The following PKP4 variants were observed in gnomAD, a reference collection of about 807,000 sequenced individuals.
PKP4 encodes plakophilin-4.
PKP4 carries 90 observed loss-of-function variants against 145.1 expected under a neutral mutation model. That is an observed-to-expected ratio of 0.62 (90% CI 0.52 to 0.74). PKP4 has a LOEUF of 0.74. Among genes scored for constraint, PKP4 ranks in the 30% least tolerant of loss-of-function variants. The pLI, the probability that PKP4 is intolerant of heterozygous loss-of-function variation, is 0.00. For synonymous variants in PKP4, 563 were observed against 577.2 expected, an observed-to-expected ratio of 0.98 and a Z score of 0.35; for missense variants, 1,340 against 1,482.7, an observed-to-expected ratio of 0.90 and a Z score of 1.58.
chr2:158,548,901 T>C (rs2045333272), intron 2 of PKP4: 1 of 187,756 alleles, frequency 5.3e-6, no homozygotes, highest in Non-Finnish European at 1.1e-5. Context: ...TGATCGCACA[T>C]GACATGGATC....
intron 1 of PKP4, among the ~76,000 whole-genome samples, chr2:158,526,146 C>A (rs2042912392): frequency 6.9e-6 from 1 of 145,166 alleles, no homozygotes; most frequent in Non-Finnish European, 1.5e-5. Flanking sequence ...AGGCCAGCAT[C>A]ATTCTGATAC....
chr2:158,621,146 C>T, intron 5 of PKP4, 25 bp downstream of exon 5: 1 of 1,613,776 alleles, frequency 6.2e-7, no homozygotes, highest in Non-Finnish European at 8.5e-7. Context: ...CTTTTAAGTA[C>T]TGGATTTGCT....
rs142513824 is a variant in PKP4 at position 158,670,557 on chromosome 2, G to A, written c.2924+642G>A. Among the ~76,000 whole-genome samples, 431 of 152,246 alleles carry A rather than the reference G, an allele frequency of 2.8e-3. 2 individuals carry two copies. The highest frequency in any genetic ancestry group is 0.01 in the African/African-American group (420 of 41,558). On this transcript the variant is annotated intron_variant, in intron 17 of 21. Transcript: ENST00000389759. ...GCCACAACTGGTCATGCCAACTCCT[G>A]GAAGAATTGGAAATGCCAGGATGAG...
At chr2:158,519,305 TAC>T (rs2042164002) in intron 1 of PKP4, among the ~76,000 whole-genome samples, 1 of 152,232 alleles carries the variant, frequency 6.6e-6, no homozygotes, top group African/African-American at 2.4e-5. Flanking sequence ...CTTTCCTACT[TAC>T]AGTTTTCAGT....
At chr2:158,560,661 G>A (rs940198139) in intron 2 of PKP4, among the ~76,000 whole-genome samples, 5 of 151,972 alleles carry the variant, frequency 3.3e-5, no homozygotes, top group African/African-American at 1.2e-4. Context: ...AGGAAAGAAC[G>A]TGGTATATTA....
chr2:158,580,133 T>G (rs968190636), intron 3 of PKP4, among the ~76,000 whole-genome samples: 1 of 152,216 alleles, frequency 6.6e-6, no homozygotes, highest in African/African-American at 2.4e-5. Context: ...TATGCATGGC[T>G]ATTAGATTAT....
In PKP4 at chr2:158,642,508, A is replaced by G. The variant is rs750922618; in HGVS notation, c.1718A>G (p.Lys573Arg). ...KMEVCRLGGI[K>R]HLVDLLDHRV... ...TAGGTGTGTAGGTTAGGGGGAATCA[A>G]GCATCTGGTTGACCTTCTGGACCAC... The change falls in exon 11 of 22, where the codon AAG becomes AGG. Residue 573 changes from lysine to arginine, a missense_variant. Lys to Arg is a conservative substitution (Grantham distance 26). Coordinates refer to ENST00000389759, the MANE Select transcript of PKP4 (RefSeq NM_003628.6). 3 of 1,611,118 alleles carry G rather than the reference A, an allele frequency of 1.9e-6. No individual in the cohort carries two copies. Among genetic ancestry groups the G allele is most frequent in the Admixed American group, 3.3e-5 (2 of 59,850 alleles).
intron 7 of PKP4, among the ~76,000 whole-genome samples, chr2:158,626,889 G>T (rs1187325791): frequency 6.6e-6 from 1 of 152,080 alleles, no homozygotes; most frequent in African/African-American, 2.4e-5. Flanking sequence ...CTCGTAATAT[G>T]CTTCTCAAGT....
chr2:158,583,443 A>G (rs909052096), intron 3 of PKP4, among the ~76,000 whole-genome samples: 12 of 152,204 alleles, frequency 7.9e-5, no homozygotes, highest in African/African-American at 2.9e-4. Flanking sequence ...CTTTTAGACA[A>G]GTTGTAAAGG....
intron 2 of PKP4, among the ~76,000 whole-genome samples, chr2:158,560,571 A>G (rs991436986): frequency 2.6e-5 from 4 of 152,226 alleles, no homozygotes; most frequent in East Asian, 1.9e-4. Context: ...GCATCTGTCT[A>G]TGGCAGAAAT....
intron 11 of PKP4, among the ~76,000 whole-genome samples, chr2:158,657,602 T>C (rs1456384018): frequency 2.6e-5 from 4 of 152,200 alleles, no homozygotes; most frequent in Non-Finnish European, 5.9e-5. Flanking sequence ...CGGCAAGTGC[T>C]TTATTGAAGC....
chr2:158,550,398 G>A (rs2045514929), intron 2 of PKP4, among the ~76,000 whole-genome samples: 1 of 152,180 alleles, frequency 6.6e-6, no homozygotes, highest in Non-Finnish European at 1.5e-5. Flanking sequence ...AATGAATGTA[G>A]TCATGTAACC....
Position 158,577,292 on chromosome 2 carries a change from AC to A in PKP4, c.157del (p.Arg53GlufsTer14), listed in dbSNP as rs1480666505. The stretch of plus-strand genomic sequence containing the variant: ...ACAGGAGCTTCAGTTTCAGCGACTC[AC>A]CCGAGAACTGGAAGTGGAAAGGCAG... Reference protein sequence around the residue: ...KEQELQFQRLTRELEVERQIV... With the variant: ...KEQELQFQRLXRELEVERQIV... On this transcript the variant is annotated frameshift_variant, in exon 3 of 22. Transcript: ENST00000389759. LOFTEE classifies it high-confidence loss of function. 3.1e-6 allele frequency: 5 copies of A among 1,612,796 alleles called. No homozygotes were observed. The African/African-American group carries it at 6.7e-5, about 22-fold the overall frequency.
In PKP4 at chr2:158,541,620, T is replaced by C. The variant is rs576940101; in HGVS notation, c.132+8304T>C. ...TATAATTATATTTCAAATATGAAAA[T>C]AGCTATAATAAATTAAAAGTATACT... is the stretch of plus-strand genomic sequence containing the variant. On this transcript the variant is annotated intron_variant, in intron 2 of 21. Transcript: ENST00000389759. Among the ~76,000 whole-genome samples, 17 of 152,224 alleles carry C rather than the reference T, an allele frequency of 1.1e-4. 1 individual carries two copies. The East Asian group carries it at 2.9e-3, about 26-fold the overall frequency.
chr2:158,640,738 T>C lies in PKP4; in HGVS notation c.1674T>C (p.Gly558=). 6.2e-7 allele frequency: 1 copy of C among 1,614,106 alleles called. No individual in the cohort carries two copies. Among genetic ancestry groups the C allele is most frequent in the South Asian group, 1.1e-5 (1 of 91,076 alleles). ...CCTACCTGCAGCACCTGTGCTTTGG[T>C]GACAACAAAGTGAAGATGGAGGTAC... is the stretch of plus-strand genomic sequence containing the variant. The part of the protein sequence containing the change: ...AAAYLQHLCF[G]DNKVKMEVCR... The change falls in exon 10 of 22, where the codon GGT becomes GGC. Residue 558 remains glycine, a synonymous_variant. Transcript: ENST00000389759.
chr2:158,533,372 T>A, intron 2 of PKP4, 56 bp downstream of exon 2: 1 of 1,589,204 alleles, frequency 6.3e-7, no homozygotes, highest in East Asian at 2.2e-5. Flanking sequence ...CTTTAAAAAA[T>A]TAATCTTTGG....
rs371693650 is a variant in PKP4 at position 158,625,292 on chromosome 2, C to T, written c.1018C>T (p.Arg340Cys). Residue 340 changes from arginine to cysteine, a missense_variant, in exon 7 of 22, where the codon CGC (arginine) becomes TGC (cysteine). Physicochemically the swap from Arg to Cys is radical, Grantham distance 180. Transcript: ENST00000389759. ...CCAGGTGGGGTCGTCGTCCCCCAAA[C>T]GCTCAGGGATGACCGCCGTACCACA... ...QGQVGSSSPK[R>C]SGMTAVPQHL... 7.4e-6 allele frequency: 12 copies of T among 1,614,078 alleles called. No individual in the cohort carries two copies. In the African/African-American group the frequency reaches 8.0e-5, roughly 11 times the overall value.
At chr2:158,560,777 T>G (rs1020805517) in intron 2 of PKP4, among the ~76,000 whole-genome samples, 1 of 152,228 alleles carries the variant, frequency 6.6e-6, no homozygotes, top group Non-Finnish European at 1.5e-5. Flanking sequence ...TCCTCTGATG[T>G]GGTTGTTACT....
intron 2 of PKP4, among the ~76,000 whole-genome samples, chr2:158,559,239 G>A (rs767551154): frequency 2.6e-5 from 4 of 151,838 alleles, no homozygotes; most frequent in Non-Finnish European, 5.9e-5. Flanking sequence ...AAGAGAATTG[G>A]GATCAACCCA....
Sources: allele counts gnomAD v4.1 joint callset (sites outside exome capture counted in the v4.1 genomes callset), GRCh38; gene constraint gnomAD v4.1.1; transcripts MANE v1.5; gene names NCBI Gene and HGNC (gene_info 2026-07-23, HGNC 2026-07-21).